The following SFSWAP variants were observed in gnomAD, a reference collection of about 807,000 sequenced individuals.
SFSWAP encodes splicing factor, suppressor of white-apricot homolog.
SFSWAP carries 17 observed loss-of-function variants against 100.7 expected under a neutral mutation model. The ratio of observed to expected loss-of-function variants is 0.17; its 90% CI spans 0.12 to 0.25. The LOEUF (loss-of-function observed/expected upper bound fraction) is 0.25. Among genes scored for constraint, SFSWAP ranks in the 10% least tolerant of loss-of-function variants. SFSWAP has a pLI of 1.00. For synonymous variants in SFSWAP, 504 were observed against 510.1 expected, an observed-to-expected ratio of 0.99 and a Z score of 0.16; for missense variants, 1,005 against 1,262.6, an observed-to-expected ratio of 0.80 and a Z score of 3.09.
intron 16 of SFSWAP, among the ~76,000 whole-genome samples, chr12:131,797,965 G>A (rs532374175): frequency 1.3e-5 from 2 of 152,334 alleles, no homozygotes; most frequent in Non-Finnish European, 1.5e-5. Flanking sequence ...TGGGAGTAAC[G>A]CGCAACTGTT....
At chr12:131,720,728 G>A (rs1878396335) in intron 4 of SFSWAP, among the ~76,000 whole-genome samples, 1 of 152,134 alleles carries the variant, frequency 6.6e-6, no homozygotes, top group African/African-American at 2.4e-5. Context: ...ATCTGATGAA[G>A]GGCAATATAA....
intron 9 of SFSWAP, among the ~76,000 whole-genome samples, chr12:131,755,152 G>A (rs1441655569): frequency 6.6e-6 from 1 of 152,142 alleles, no homozygotes; most frequent in Non-Finnish European, 1.5e-5. Flanking sequence ...CCACGCCTCA[G>A]TACTAATAAA....
Position 131,756,554 on chromosome 12 carries a change from G to C in SFSWAP, c.1630G>C (p.Asp544His). 1 of 1,614,070 alleles carries C rather than the reference G, an allele frequency of 6.2e-7. No homozygotes were observed. ...SDAGEDGAPEDAAEVGARAGS... is the reference protein window; with the variant it reads ...SDAGEDGAPEHAAEVGARAGS... ...TGCTGGGGAGGATGGCGCGCCTGAA[G>C]ACGCAGCCGAGGTGGGAGCACGGGC... Residue 544 changes from aspartate (D) to histidine (H), a missense_variant, in exon 11 of 18, where the codon GAC becomes CAC. Asp to His is a moderately conservative substitution (Grantham distance 81). This residue lies in a region of SFSWAP where 311 missense variants were observed against 317.8 expected (regional missense o/e 0.98). Transcript: ENST00000261674.
rs576490117 is a variant in SFSWAP at position 131,781,428 on chromosome 12, G to C, written c.2408+3098G>C. ...AATTTTTTGTATTTTTAGTAGAGAC[G>C]GGGTTTCACCGTGTTAGCCAGGATG... On this transcript the variant is annotated intron_variant, in intron 14 of 17. Transcript: ENST00000261674. 2.6e-5 allele frequency among the ~76,000 whole-genome samples: 4 copies of C among 151,512 alleles called. No homozygotes were observed. In the South Asian group the frequency reaches 6.3e-4, roughly 24 times the overall value.
At chr12:131,781,760 A>T (rs1396327518) in intron 14 of SFSWAP, among the ~76,000 whole-genome samples, 1 of 152,220 alleles carries the variant, frequency 6.6e-6, no homozygotes, top group Non-Finnish European at 1.5e-5. Context: ...ATTAGTCTCC[A>T]TGGCCAAGGA....
At chr12:131,719,016 G>T (rs1472813728) in intron 3 of SFSWAP, among the ~76,000 whole-genome samples, 2 of 152,182 alleles carry the variant, frequency 1.3e-5, no homozygotes, top group African/African-American at 4.8e-5. Flanking sequence ...AGGTCCGCTT[G>T]TATGAGGATT....
chr12:131,740,798 G>C (rs1880527658), intron 7 of SFSWAP, among the ~76,000 whole-genome samples: 2 of 152,022 alleles, frequency 1.3e-5, no homozygotes, highest in Non-Finnish European at 2.9e-5. Flanking sequence ...TCTATATAAA[G>C]GTGCATGTCT....
chr12:131,746,901 G>A (rs1033827382), intron 7 of SFSWAP, among the ~76,000 whole-genome samples: 20 of 152,070 alleles, frequency 1.3e-4, no homozygotes, highest in Non-Finnish European at 2.6e-4. Flanking sequence ...TCAGGAGATC[G>A]AGACCATCCT....
At chr12:131,746,549 T>C (rs2136215135) in intron 7 of SFSWAP, among the ~76,000 whole-genome samples, 1 of 152,346 alleles carries the variant, frequency 6.6e-6, no homozygotes. Flanking sequence ...GACTTCTCTT[T>C]CTTTCCTGTG....
chr12:131,711,752 A>C lies in SFSWAP; in HGVS notation c.218+305A>C. The C allele has an allele frequency of 5.4e-6, 2 of 368,586 alleles. No homozygotes were observed. Among genetic ancestry groups the C allele is most frequent in the Non-Finnish European group, 1.0e-5 (2 of 197,440 alleles). The allele number at this position is 368,586 out of a possible 1,614,324, so 22.8% of individuals were successfully genotyped here. ...TGCAGTTGGCGATTCCGCGCGGTGAAAGCAGCCAGTGCCCAGGGTCTTTTC... is the reference window on the plus strand; with the variant it reads ...TGCAGTTGGCGATTCCGCGCGGTGACAGCAGCCAGTGCCCAGGGTCTTTTC... On this transcript the variant is annotated intron_variant, in intron 1 of 17. Coordinates refer to ENST00000261674, the MANE Select transcript of SFSWAP (RefSeq NM_004592.4). This position sits in a 1 kb window ranked among gnomAD's most constrained non-coding sequence, Gnocchi z 4.9.
In SFSWAP at chr12:131,711,288, A is replaced by C. The variant is rs765316521; in HGVS notation, c.59A>C (p.Glu20Ala). 3.6e-5 allele frequency: 58 copies of C among 1,612,786 alleles called. No homozygotes were observed. The highest frequency in any genetic ancestry group is 4.4e-5 in the Non-Finnish European group (52 of 1,179,696). ...KPERKSGAKE[E>A]AGPGGAGGGG... ...GAGAGGAAAAGCGGCGCGAAGGAGG[A>C]GGCCGGGCCAGGCGGTGCCGGCGGT... Residue 20 changes from glutamate to alanine, a missense_variant, in exon 1 of 18, where the codon GAG becomes GCG. By Grantham distance (107) the Glu-to-Ala change is moderately radical. Coordinates refer to ENST00000261674, the MANE Select transcript of SFSWAP (RefSeq NM_004592.4). This position sits in a 1 kb window ranked among gnomAD's most constrained non-coding sequence, Gnocchi z 4.9.
rs538454460 is a variant in SFSWAP, at chr12:131,778,372, C to T, written c.2408+42C>T. ...CAGCACCTCTGGTACCCTCATGACCCCCATGTCCTTCACAGGACACCCAGT... is the reference window on the plus strand; with the variant it reads ...CAGCACCTCTGGTACCCTCATGACCTCCATGTCCTTCACAGGACACCCAGT... On this transcript the variant is annotated intron_variant, in intron 14 of 17. Coordinates refer to ENST00000261674, the MANE Select transcript of SFSWAP (RefSeq NM_004592.4). This position sits in a 1 kb window ranked among gnomAD's most constrained non-coding sequence, Gnocchi z 4.2. The T allele has an allele frequency of 6.3e-7, 1 of 1,588,204 alleles. No individual in the cohort carries two copies. Among genetic ancestry groups the T allele is most frequent in the South Asian group, 1.1e-5 (1 of 88,770 alleles).
Position 131,730,317 on chromosome 12 carries a change from C to T in SFSWAP, c.1081+1889C>T, listed in dbSNP as rs1488165793. Among the ~76,000 whole-genome samples the T allele has an allele frequency of 6.6e-6, 1 of 152,228 alleles. No homozygotes were observed. The highest frequency in any genetic ancestry group is 2.4e-5 in the African/African-American group (1 of 41,464). On this transcript the variant is annotated intron_variant, in intron 7 of 17. Transcript: ENST00000261674. The surrounding 1 kb of genome is among the most constrained non-coding windows in gnomAD (Gnocchi z 4.0). ...TCCTCCTTTCCTTTTCCAAGCCTGT[C>T]GTTGAGTTTGCTTGAACCAAATGCA...
chr12:131,755,556 T>C, intron 10 of SFSWAP, 77 bp downstream of exon 10: 1 of 990,624 alleles, frequency 1.0e-6, no homozygotes, highest in Non-Finnish European at 1.6e-6. Flanking sequence ...CGCTTTCTGT[T>C]TCTTCTCCTA....
chr12:131,718,027 G>A (rs998529595), intron 3 of SFSWAP, among the ~76,000 whole-genome samples: 7 of 152,162 alleles, frequency 4.6e-5, no homozygotes, highest in East Asian at 1.9e-4. Flanking sequence ...CACCACACCC[G>A]GTTACAGGTG....
chr12:131,787,118 G>T (rs116363359), intron 15 of SFSWAP, among the ~76,000 whole-genome samples: 1 of 152,160 alleles, frequency 6.6e-6, no homozygotes, highest in Non-Finnish European at 1.5e-5. Flanking sequence ...AGCCTGTCTT[G>T]GTTGGAGCAG....
At position 131,756,818 on chromosome 12, in the gene SFSWAP, G is replaced by A. The variant is rs535610645; in HGVS notation, c.1720+174G>A. 9.4e-5 allele frequency: 56 copies of A among 597,536 alleles called. No individual in the cohort carries two copies. In the South Asian group the frequency reaches 9.7e-4, roughly 10 times the overall value. 37.0% of individuals were successfully genotyped at this position (597,536 alleles called of 1,614,324 possible). ...TTCCATGCTGTGTCATGCTTGCCTC[G>A]CGTGGCATTGGAGGTAACGTGAGTG... On this transcript the variant is annotated intron_variant, in intron 11 of 17. Transcript: ENST00000261674.
chr12:131,772,347 T>C (rs1883685212), intron 13 of SFSWAP, among the ~76,000 whole-genome samples: 1 of 152,204 alleles, frequency 6.6e-6, no homozygotes, highest in Admixed American at 6.5e-5. Context: ...TTGTAAATGA[T>C]GTCCTAAAGT....
At chr12:131,754,781 G>A (rs186110569) in intron 9 of SFSWAP, among the ~76,000 whole-genome samples, 27 of 151,560 alleles carry the variant, frequency 1.8e-4, no homozygotes, top group Admixed American at 1.4e-3. Flanking sequence ...CTACAGGCGC[G>A]CACCACCACG....
Sources: allele counts gnomAD v4.1 joint callset (sites outside exome capture counted in the v4.1 genomes callset), GRCh38; gene constraint gnomAD v4.1.1; regional missense constraint gnomAD v4.1.1; non-coding constraint Gnocchi (gnomAD v3.1); transcripts MANE v1.5; gene names NCBI Gene and HGNC (gene_info 2026-07-23, HGNC 2026-07-21).